FBXO11: variants seen among roughly 807,000 people sequenced by gnomAD.
FBXO11 encodes F-box protein 11, also known as F-box only protein 11.
Under a neutral mutation model 117.0 loss-of-function variants are expected in FBXO11, and 13 were observed. The observed-to-expected ratio is 0.11, with a 90% CI of 0.07 to 0.18. The LOEUF (loss-of-function observed/expected upper bound fraction) is 0.18. FBXO11 is among the 10% of genes least tolerant of loss of function. FBXO11 has a pLI of 1.00. For missense variants in FBXO11, 767 were observed against 1,164.4 expected (o/e 0.66, Z 4.97); for synonymous variants, 490 against 380.5 (o/e 1.29, Z -3.35).
chr2:47,858,732 CA>C, intron 1 of FBXO11, among the ~76,000 whole-genome samples: 1 of 144,286 alleles, frequency 6.9e-6, no homozygotes, highest in Non-Finnish European at 1.5e-5. Flanking sequence ...AATACAAATG[CA>C]AAAACCTGAA....
intron 1 of FBXO11, chr2:47,905,251 CCAAA>C (rs1481633691): frequency 1.1e-5 from 3 of 274,248 alleles, no homozygotes; most frequent in African/African-American, 2.2e-5. Flanking sequence ...GCCCCCGAAA[CCAAA>C]CAAAGCGCGG....
intron 1 of FBXO11, among the ~76,000 whole-genome samples, chr2:47,847,667 G>A (rs749838683): frequency 6.6e-6 from 1 of 152,112 alleles, no homozygotes; most frequent in Non-Finnish European, 1.5e-5. Flanking sequence ...CACACCCACT[G>A]CACTCCAGCC....
chr2:47,862,980 CG>C (rs1674897136), intron 1 of FBXO11, among the ~76,000 whole-genome samples: 1 of 149,794 alleles, frequency 6.7e-6, no homozygotes, highest in Admixed American at 6.7e-5. Flanking sequence ...GCTTGAACCC[CG>C]GAAGTGAAAG....
chr2:47,815,144 T>C (rs570881770), intron 16 of FBXO11, among the ~76,000 whole-genome samples: 1 of 152,350 alleles, frequency 6.6e-6, no homozygotes, highest in South Asian at 2.1e-4. Flanking sequence ...AAACTCCTGT[T>C]AATTTTTTTT....
Position 47,825,881 on chromosome 2 carries a change from A to G in FBXO11, c.1399-2521T>C, listed in dbSNP as rs377374366. 2.3e-4 allele frequency among the ~76,000 whole-genome samples: 34 copies of G among 150,792 alleles called. No individual in the cohort carries two copies. The East Asian group carries it at 6.2e-3, about 28-fold the overall frequency. The stretch of plus-strand genomic sequence containing the variant: ...TGTGAGCCACCATGCCGGGCCGACA[A>G]ATCTGACTGGTAAACTTTTACAGCG... On this transcript the variant is annotated intron_variant, in intron 11 of 22. Transcript: ENST00000403359.
At chr2:47,902,904 G>C (rs1678403671) in intron 1 of FBXO11, among the ~76,000 whole-genome samples, 2 of 150,106 alleles carry the variant, frequency 1.3e-5, no homozygotes, top group Admixed American at 6.6e-5. Context: ...TATCCATTAA[G>C]AGTTAGTAAA....
rs1678789131 is a variant in FBXO11 at position 47,906,019 on chromosome 2, G to C, written c.-299C>G. 2 of 322,404 alleles carry C rather than the reference G, an allele frequency of 6.2e-6. No homozygotes were observed. The highest frequency in any genetic ancestry group is 5.4e-5 in the East Asian group (1 of 18,504). 20.0% of individuals were successfully genotyped at this position (322,404 alleles called of 1,614,324 possible). Reference sequence around the variant, plus strand: ...GAAGGCAGAAAGACGGGCAGACCGAGAGAAAGAAAGAAAGGGCGTCCGCCG... The same window carrying C: ...GAAGGCAGAAAGACGGGCAGACCGACAGAAAGAAAGAAAGGGCGTCCGCCG... On this transcript the variant is annotated 5_prime_UTR_variant, in exon 1 of 23. Transcript: ENST00000403359.
chr2:47,811,929 T>G lies in FBXO11; in HGVS notation c.2227+1305A>C, dbSNP rs1453255970. Among the ~76,000 whole-genome samples, 3 of 152,142 alleles carry G rather than the reference T, an allele frequency of 2.0e-5. No individual in the cohort carries two copies. The South Asian group carries it at 6.2e-4, about 32-fold the overall frequency. On this transcript the variant is annotated intron_variant, in intron 18 of 22. Transcript: ENST00000403359. Reference sequence around the variant, plus strand: ...GTTGGTTCTGTCCTTTTAAGTATCATTAACATGTCCCACCCCCTGCCCCCC... The same window carrying G: ...GTTGGTTCTGTCCTTTTAAGTATCAGTAACATGTCCCACCCCCTGCCCCCC...
Position 47,835,704 on chromosome 2 carries a change from G to A in FBXO11, c.717+168C>T, listed in dbSNP as rs568737561. ...GAAGAGATGGAGTTTCGCCATGTTGGCCAAGCTGGTCTCGAACTCCTGACC... is the reference window on the plus strand; with the variant it reads ...GAAGAGATGGAGTTTCGCCATGTTGACCAAGCTGGTCTCGAACTCCTGACC... On this transcript the variant is annotated intron_variant, in intron 5 of 22. Coordinates refer to ENST00000403359, the MANE Select transcript of FBXO11 (RefSeq NM_001190274.2). Among the ~76,000 whole-genome samples the A allele has an allele frequency of 2.3e-3, 355 of 152,258 alleles. 1 individual carries two copies. The highest frequency in any genetic ancestry group is 6.8e-3 in the Middle Eastern group (2 of 294).
At chr2:47,890,466 C>G (rs754329947) in intron 1 of FBXO11, among the ~76,000 whole-genome samples, 7 of 152,104 alleles carry the variant, frequency 4.6e-5, no homozygotes, top group Non-Finnish European at 1.0e-4. Flanking sequence ...TACATGGGGA[C>G]TGTATCATCA....
chr2:47,806,965 T>C lies in FBXO11; in HGVS notation c.*1153A>G. On this transcript the variant is annotated 3_prime_UTR_variant, in exon 23 of 23. Coordinates refer to ENST00000403359, the MANE Select transcript of FBXO11 (RefSeq NM_001190274.2). The stretch of plus-strand genomic sequence containing the variant: ...TTTTTTAAAAATGACCATTTTTCCA[T>C]TTTCTTTCTAGGAAATTAAACCCTT... 1 of 911,410 alleles carries C rather than the reference T, an allele frequency of 1.1e-6. No individual in the cohort carries two copies. The highest frequency in any genetic ancestry group is 1.8e-6 in the Non-Finnish European group (1 of 570,026). 56.5% of individuals were successfully genotyped at this position (911,410 alleles called of 1,614,324 possible).
intron 1 of FBXO11, among the ~76,000 whole-genome samples, chr2:47,873,697 A>T (rs1675790470): frequency 6.6e-6 from 1 of 152,002 alleles, no homozygotes; most frequent in African/African-American, 2.4e-5. Context: ...CTACCCATTC[A>T]CTCACTTTTC....
At position 47,826,830 on chromosome 2, in the gene FBXO11, A is replaced by G. The variant is rs1275417130; in HGVS notation, c.1399-3470T>C. The stretch of plus-strand genomic sequence containing the variant: ...GCCCAGGATGGAGTGCAGTGGCCCA[A>G]TCTTGGCTCACTGCAACCTCTGCCT... On this transcript the variant is annotated intron_variant, in intron 11 of 22. Transcript: ENST00000403359. 4.6e-5 allele frequency among the ~76,000 whole-genome samples: 7 copies of G among 152,038 alleles called. No homozygotes were observed. In the East Asian group the frequency reaches 1.2e-3, roughly 25 times the overall value.
At chr2:47,888,971 T>G (rs1677066769) in intron 1 of FBXO11, among the ~76,000 whole-genome samples, 2 of 152,220 alleles carry the variant, frequency 1.3e-5, no homozygotes, top group South Asian at 4.1e-4. Flanking sequence ...TTTAATATGC[T>G]CAATAATGTA....
chr2:47,826,546 T>C (rs1267200081), intron 11 of FBXO11, among the ~76,000 whole-genome samples: 1 of 152,230 alleles, frequency 6.6e-6, no homozygotes, highest in Non-Finnish European at 1.5e-5. Context: ...CAGCAGAATT[T>C]AGCTCTCCTA....
At chr2:47,863,953 A>C (rs1190722373) in intron 1 of FBXO11, among the ~76,000 whole-genome samples, 1 of 151,846 alleles carries the variant, frequency 6.6e-6, no homozygotes, top group Non-Finnish European at 1.5e-5. Context: ...AAAAAAAAAA[A>C]CCAAAACCCC....
intron 1 of FBXO11, among the ~76,000 whole-genome samples, chr2:47,866,764 G>A (rs761396785): frequency 5.9e-5 from 9 of 152,106 alleles, no homozygotes; most frequent in Admixed American, 1.3e-4. Context: ...GAGCCACTGC[G>A]CCCGGCCTAT....
At chr2:47,883,035 TA>T (rs1226588472) in intron 1 of FBXO11, among the ~76,000 whole-genome samples, 3 of 152,288 alleles carry the variant, frequency 2.0e-5, no homozygotes, top group East Asian at 3.9e-4. Context: ...TCTGAGTTCT[TA>T]CCATTCCTGC....
chr2:47,831,269 A>T (rs1672163134), intron 11 of FBXO11, among the ~76,000 whole-genome samples: 3 of 151,818 alleles, frequency 2.0e-5, no homozygotes, highest in Admixed American at 1.3e-4. Flanking sequence ...ATACAAAATT[A>T]GGCAGGCGTG....
Sources: gnomAD v4.1 joint callset for allele counts (sites outside exome capture counted in the v4.1 genomes callset) on GRCh38, gnomAD v4.1.1 for gene constraint, MANE v1.5 for transcripts, NCBI Gene and HGNC (gene_info 2026-07-23, HGNC 2026-07-21) for gene names.